The following PABPC4 variants were observed in gnomAD, a reference collection of about 807,000 sequenced individuals.
PABPC4 encodes the protein polyadenylate-binding protein 4.
Under a neutral mutation model 74.5 loss-of-function variants are expected in PABPC4, and 15 were observed. That is an observed-to-expected ratio of 0.20 (90% CI 0.13 to 0.31). The LOEUF (loss-of-function observed/expected upper bound fraction) is 0.31, where lower values mean the gene tolerates loss of function less well. PABPC4 is among the 10% of genes least tolerant of loss of function. PABPC4 has a pLI of 1.00. For missense variants in PABPC4, 610 were observed against 853.5 expected (o/e 0.71, Z 3.55); for synonymous variants, 345 against 303.0 (o/e 1.14, Z -1.44).
chr1:39,566,495 A>T lies in PABPC4; in HGVS notation c.973-1117T>A, dbSNP rs150715345. On this transcript the variant is annotated intron_variant, in intron 7 of 15. Coordinates refer to ENST00000372858, the MANE Select transcript of PABPC4 (RefSeq NM_001135653.2). The stretch of plus-strand genomic sequence containing the variant: ...GTTCAGGCAGTCTTTTCCCACATTA[A>T]GTTCATCATTCACAAATGGCATTCT... Among the ~76,000 whole-genome samples, 175 of 152,328 alleles carry T rather than the reference A, an allele frequency of 1.1e-3. 2 individuals carry two copies. Among genetic ancestry groups the T allele is most frequent in the African/African-American group, 4.1e-3 (169 of 41,572 alleles).
chr1:39,561,979 C>T, intron 14 of PABPC4, 94 bp downstream of exon 14: 2 of 1,442,688 alleles, frequency 1.4e-6, no homozygotes, highest in Non-Finnish European at 1.9e-6. Context: ...CTGGGGGCAG[C>T]AGATCCCACT....
chr1:39,562,525 A>C (rs964520435), intron 12 of PABPC4, 109 bp from the exon 13 acceptor site: 3 of 777,414 alleles, frequency 3.9e-6, no homozygotes, highest in Non-Finnish European at 6.3e-6. Flanking sequence ...AGAGGAGAGG[A>C]GGTGGCTGTC....
intron 13 of PABPC4, 60 bp from the exon 14 acceptor site, chr1:39,562,263 T>TGTCCTA (rs1476205679): frequency 6.2e-7 from 1 of 1,609,406 alleles, no homozygotes; most frequent in African/African-American, 1.3e-5. Context: ...TGGACACTGG[T>TGTCCTA]GTCCTAGCTG....
chr1:39,570,962 G>T, intron 3 of PABPC4: 2 of 1,027,082 alleles, frequency 1.9e-6, no homozygotes, highest in African/African-American at 1.6e-5. Flanking sequence ...TTTCCAGCCA[G>T]CCCCAGTTGT....
At chr1:39,566,759 A>G (rs542435267) in intron 7 of PABPC4, among the ~76,000 whole-genome samples, 1 of 152,290 alleles carries the variant, frequency 6.6e-6, no homozygotes, top group South Asian at 2.1e-4. Flanking sequence ...ACAAATGCCA[A>G]CTTGACTACT....
Position 39,575,813 on chromosome 1 carries a change from T to C in PABPC4, c.139A>G (p.Ile47Val). 1 of 1,609,010 alleles carries C rather than the reference T, an allele frequency of 6.2e-7. No homozygotes were observed. ...GCATAGCCCAGGGAGCGGCGGGTGA[T>C]CATATCGCGGCAGACCCGGATGGAC... ...VLSIRVCRDM[I>V]TRRSLGYAYV... Residue 47 changes from isoleucine to valine, a missense_variant, in exon 1 of 16, where the codon ATC (isoleucine) becomes GTC (valine). Coordinates refer to ENST00000372858, the MANE Select transcript of PABPC4 (RefSeq NM_001135653.2).
At chr1:39,567,914 C>T (rs1382505979) in intron 6 of PABPC4, 68 bp from the exon 7 acceptor site, 1 of 894,416 alleles carries the variant, frequency 1.1e-6, no homozygotes, top group Admixed American at 2.2e-5. Context: ...AGTGGTTCCC[C>T]AAGGGTGGCC....
At position 39,569,855 on chromosome 1, in the gene PABPC4, C is replaced by G; in HGVS notation, c.643+8G>C. On this transcript the variant is annotated splice_region_variant and intron_variant, in intron 4 of 15. Coordinates refer to ENST00000372858, the MANE Select transcript of PABPC4 (RefSeq NM_001135653.2). ...GACTGTGAAAGGAGACAAGGAACCC[C>G]AACTTACCAAACTGACTGAATAGCT... 6 of 1,613,734 alleles carry G rather than the reference C, an allele frequency of 3.7e-6. No homozygotes were observed. The highest frequency in any genetic ancestry group is 5.1e-6 in the Non-Finnish European group (6 of 1,179,838).
At chr1:39,574,727 A>C (rs1189510112) in intron 1 of PABPC4, among the ~76,000 whole-genome samples, 1 of 152,260 alleles carries the variant, frequency 6.6e-6, no homozygotes, top group Non-Finnish European at 1.5e-5. Context: ...GGGGGACCCC[A>C]AAACTAGGGA....
At chr1:39,565,848 C>CAA (rs138621048) in intron 7 of PABPC4, among the ~76,000 whole-genome samples, 1 of 151,376 alleles carries the variant, frequency 6.6e-6, no homozygotes, top group African/African-American at 2.4e-5. Context: ...CAAAACAAAA[C>CAA]AAAACAAAAC....
rs1646029182 is a variant in PABPC4, at chr1:39,576,528, C to A, written c.-577G>T. On this transcript the variant is annotated 5_prime_UTR_variant, in exon 1 of 16. Coordinates refer to ENST00000372858, the MANE Select transcript of PABPC4 (RefSeq NM_001135653.2). ...TCGGGGCCCGAGCGGGGGGAGGGCA[C>A]GGCGGGCCGGGCGGGCGGCTCACCC... 6.7e-6 allele frequency: 1 copy of A among 149,028 alleles called. No homozygotes were observed. Among genetic ancestry groups the A allele is most frequent in the African/African-American group, 2.5e-5 (1 of 40,634 alleles). The allele number at this position is 149,028 out of a possible 1,614,324, so 9.2% of individuals were successfully genotyped here.
Position 39,563,833 on chromosome 1 carries a change from C to T in PABPC4, c.1540+3G>A. On this transcript the variant is annotated splice_donor_region_variant and intron_variant, in intron 11 of 15. Transcript: ENST00000372858. The stretch of plus-strand genomic sequence containing the variant: ...TCCCCCTTCTGTGTGCATCCAATAC[C>T]ACCTCCAGACTGGCAGCTGTCAGTC... 6.2e-7 allele frequency: 1 copy of T among 1,614,192 alleles called. No individual in the cohort carries two copies.
intron 6 of PABPC4, chr1:39,568,048 G>A (rs1645877305): frequency 4.5e-6 from 2 of 448,454 alleles, no homozygotes; most frequent in African/African-American, 2.0e-5. Flanking sequence ...ACAAGGTCAG[G>A]AGATCGAGAC....
At chr1:39,569,535 C>G in intron 5 of PABPC4, 60 bp downstream of exon 5, 1 of 1,230,404 alleles carries the variant, frequency 8.1e-7, no homozygotes, top group South Asian at 1.2e-5. Flanking sequence ...CTAGCAAGAC[C>G]CTACCCATAC....
At chr1:39,570,983 A>G in intron 3 of PABPC4, 1 of 1,255,950 alleles carries the variant, frequency 8.0e-7, no homozygotes, top group Non-Finnish European at 1.0e-6. Flanking sequence ...TGATGCTCAC[A>G]AAACCCACAG....
At position 39,563,734 on chromosome 1, in the gene PABPC4, G is replaced by C. The variant is rs376290147; in HGVS notation, c.1548C>G (p.Pro516=). The C allele has an allele frequency of 1.7e-5, 27 of 1,614,058 alleles. No homozygotes were observed. The African/African-American group carries it at 3.3e-4, about 20-fold the overall frequency. Residue 516 remains proline, a synonymous_variant, in exon 12 of 16, where the codon CCC becomes CCG. Transcript: ENST00000372858. ...LTDSCQSGGV[P]TAVQNLAPRA... ...GTGGCGCTAAGTTCTGCACAGCTGT[G>C]GGAACGCCTTAGGGAAAGAACAAAT...
In PABPC4 at chr1:39,562,233, A is replaced by G. The variant is rs182344251; in HGVS notation, c.1763-30T>C. On this transcript the variant is annotated intron_variant, in intron 13 of 15. Transcript: ENST00000372858. ...GGGGAGGATAGTTAATAAAAAAACA[A>G]ATCAAATCCCAGTAAACAATGGACA... The G allele has an allele frequency of 2.3e-4, 367 of 1,613,888 alleles. 3 individuals are homozygous for G. In the African/African-American group the frequency reaches 4.6e-3, roughly 20 times the overall value.
chr1:39,563,763 A>G (rs753136669), intron 11 of PABPC4, 22 bp from the exon 12 acceptor site: 7 of 1,613,828 alleles, frequency 4.3e-6, no homozygotes, highest in Non-Finnish European at 5.9e-6. Flanking sequence ...AACAAATACA[A>G]TTAAAGCCCA....
At chr1:39,571,448 A>G (rs1645938517) in intron 2 of PABPC4, 99 bp from the exon 3 acceptor site, 4 of 1,403,530 alleles carry the variant, frequency 2.8e-6, no homozygotes, top group Non-Finnish European at 3.0e-6. Context: ...TAGCCCATCC[A>G]TGGCCAATGG....
Sources: gnomAD v4.1 joint callset for allele counts (sites outside exome capture counted in the v4.1 genomes callset) on GRCh38, gnomAD v4.1.1 for gene constraint, MANE v1.5 for transcripts, NCBI Gene and HGNC (gene_info 2026-07-23, HGNC 2026-07-21) for gene names.